The following ABCB4 variants were observed in gnomAD, a reference collection of about 807,000 sequenced individuals.
The protein encoded by ABCB4 is ATP binding cassette subfamily B member 4, also known as phosphatidylcholine translocator ABCB4.
ABCB4 carries 76 observed loss-of-function variants against 145.7 expected under a neutral mutation model. That is an observed-to-expected ratio of 0.52 (90% confidence interval 0.43 to 0.63). The LOEUF (loss-of-function observed/expected upper bound fraction) is 0.63, where lower values mean the gene tolerates loss of function less well. ABCB4 is among the 30% of genes least tolerant of loss of function. The probability of loss-of-function intolerance (pLI) is 0.00; values close to 1 mark genes in which losing one functional copy is unlikely to be tolerated. For missense variants in ABCB4, 1,234 were observed against 1,553.1 expected (o/e 0.79, Z 3.45); for synonymous variants, 517 against 566.8 (o/e 0.91, Z 1.25).
chr7:87,475,260 T>G, intron 2 of ABCB4, 126 bp downstream of exon 2: 1 of 1,154,794 alleles, frequency 8.7e-7, no homozygotes, highest in South Asian at 1.3e-5. Flanking sequence ...GCAAGACCCT[T>G]CAAAGAAGCC....
chr7:87,452,989 C>T lies in ABCB4; in HGVS notation c.491G>A (p.Trp164Ter). ...TTCAGTGGTGTCGTTGATGTCAAAC[C>T]ATCCTATTTCCTGTCGTAGAATAGC... ...FHAILRQEIG[W>*]FDINDTTELN... The change falls in exon 6 of 28, where the codon TGG becomes TAG. Residue 164 changes from tryptophan to a stop codon, truncating the protein, a stop_gained. Transcript: ENST00000649586. LOFTEE classifies it high-confidence loss of function. 6.2e-7 allele frequency: 1 copy of T among 1,614,000 alleles called. No homozygotes were observed. Among genetic ancestry groups the T allele is most frequent in the Non-Finnish European group, 8.5e-7 (1 of 1,179,988 alleles).
chr7:87,406,353 G>A lies in ABCB4; in HGVS notation c.3421C>T (p.Gln1141Ter). ...TTGGCTGCACTCACAATTTCATCCT[G>A]TGATACAACCCGGCTGTTGTCTCCA... ...AYGDNSRVVS[Q>*]DEIVSAAKAA... Residue 1141 changes from glutamine (Q) to a stop codon, truncating the protein, a stop_gained, in exon 26 of 28, where the codon CAG becomes TAG. Transcript: ENST00000649586. LOFTEE classifies it high-confidence loss of function. 6.2e-7 allele frequency: 1 copy of A among 1,614,106 alleles called. No individual in the cohort carries two copies. The highest frequency in any genetic ancestry group is 8.5e-7 in the Non-Finnish European group (1 of 1,179,996).
chr7:87,438,605 T>C (rs765685922), intron 14 of ABCB4, among the ~76,000 whole-genome samples: 4 of 151,986 alleles, frequency 2.6e-5, no homozygotes, highest in Non-Finnish European at 5.9e-5. Flanking sequence ...AAAAATTAGC[T>C]AGGTGTGGTG....
intron 16 of ABCB4, among the ~76,000 whole-genome samples, chr7:87,425,693 G>A (rs1220621205): frequency 6.6e-6 from 1 of 151,960 alleles, no homozygotes; most frequent in South Asian, 2.1e-4. Context: ...GGGCAACATG[G>A]TAAAACCTCG....
At chr7:87,403,762 C>T (rs768085436) in intron 26 of ABCB4, among the ~76,000 whole-genome samples, 28 of 152,118 alleles carry the variant, frequency 1.8e-4, no homozygotes, top group Admixed American at 1.3e-4. Flanking sequence ...CTGTGGTATA[C>T]GCAGTCTGTC....
chr7:87,475,577 C>T, intron 1 of ABCB4, 57 bp downstream of exon 1: 1 of 1,082,462 alleles, frequency 9.2e-7, no homozygotes, highest in East Asian at 2.6e-5. Context: ...CACTCCCGCC[C>T]CGCGCCCCAC....
At chr7:87,390,543 G>A in the ABCB4 span, among the ~76,000 whole-genome samples, 155 of 152,274 alleles carry the variant, frequency 1.0e-3, no homozygotes, top group African/African-American at 3.6e-3. Context: ...AACAGAAGAG[G>A]CTTGAAAACT....
the ABCB4 span, among the ~76,000 whole-genome samples, chr7:87,387,242 T>A: frequency 2.0e-5 from 3 of 152,116 alleles, no homozygotes; most frequent in African/African-American, 7.2e-5. Flanking sequence ...TATGGTAACA[T>A]GACTCCTCTC....
chr7:87,467,368 T>C lies in ABCB4; in HGVS notation c.136-4460A>G, dbSNP rs536701449. On this transcript the variant is annotated intron_variant, in intron 3 of 27. Coordinates refer to ENST00000649586, the MANE Select transcript of ABCB4 (RefSeq NM_000443.4). ...GAACTAACTATCCTAAATATATATA[T>C]TCACCCAATACAGGAGCACCAAGAT... 4.6e-5 allele frequency among the ~76,000 whole-genome samples: 7 copies of C among 152,270 alleles called. No homozygotes were observed. In the East Asian group the frequency reaches 1.2e-3, roughly 25 times the overall value.
At chr7:87,475,206 C>A (rs1278090005) in intron 2 of ABCB4, among the ~76,000 whole-genome samples, 180 bp downstream of exon 2, 1 of 152,230 alleles carries the variant, frequency 6.6e-6, no homozygotes, top group African/African-American at 2.4e-5. Flanking sequence ...CAGTGACATT[C>A]TTTGAGGCCA....
intron 15 of ABCB4, 107 bp from the exon 16 acceptor site, chr7:87,427,027 G>A: frequency 2.0e-6 from 2 of 1,002,584 alleles, no homozygotes; most frequent in Non-Finnish European, 3.0e-6. Flanking sequence ...AAGCAATTTG[G>A]AATATTACAT....
chr7:87,440,778 G>A (rs1584742727), intron 12 of ABCB4, among the ~76,000 whole-genome samples: 1 of 151,916 alleles, frequency 6.6e-6, no homozygotes, highest in East Asian at 1.9e-4. Flanking sequence ...GTCTCGCTCT[G>A]TCGCCCAGGC....
At chr7:87,382,437 T>C in the ABCB4 span, 1 of 1,613,836 alleles carries the variant, frequency 6.2e-7, no homozygotes, top group Non-Finnish European at 8.5e-7. Flanking sequence ...GATTGCGGCT[T>C]ATGCCTTTAC....
At chr7:87,467,487 C>T (rs1359641857) in intron 3 of ABCB4, among the ~76,000 whole-genome samples, 10 of 149,792 alleles carry the variant, frequency 6.7e-5, no homozygotes, top group African/African-American at 2.2e-4. Flanking sequence ...GACAGATCAA[C>T]GAGACAGAAG....
intron 6 of ABCB4, 22 bp downstream of exon 6, chr7:87,452,921 TG>T: frequency 3.7e-6 from 6 of 1,608,128 alleles, no homozygotes; most frequent in Non-Finnish European, 4.3e-6. Flanking sequence ...TATATGAAAG[TG>T]TGACATTAAC....
Position 87,440,607 on chromosome 7 carries a change from G to A in ABCB4, c.1357-205C>T, listed in dbSNP as rs372998981. 2.1e-3 allele frequency among the ~76,000 whole-genome samples: 313 copies of A among 152,112 alleles called. 12 individuals are homozygous for A. The South Asian group carries it at 0.061, about 30-fold the overall frequency. On this transcript the variant is annotated intron_variant, in intron 12 of 27. Transcript: ENST00000649586. ...TTATTTTCATATATACAGTTTTTTCGTGGAAGGATTATTTGCCATAAACAA... is the reference window on the plus strand; with the variant it reads ...TTATTTTCATATATACAGTTTTTTCATGGAAGGATTATTTGCCATAAACAA...
At chr7:87,425,139 C>A (rs140266531) in intron 16 of ABCB4, among the ~76,000 whole-genome samples, 697 of 151,994 alleles carry the variant, frequency 4.6e-3, no homozygotes, top group African/African-American at 0.016. Flanking sequence ...AGCACACAAA[C>A]AGGTCCCTCT....
chr7:87,409,173 T>C, intron 24 of ABCB4, 63 bp downstream of exon 24: 1 of 1,582,484 alleles, frequency 6.3e-7, no homozygotes, highest in Non-Finnish European at 8.7e-7. Context: ...GTAGCTATAA[T>C]CTAGCAGACA....
Position 87,443,660 on chromosome 7 carries a change from T to G in ABCB4, c.1230+3A>C. The G allele has an allele frequency of 6.2e-7, 1 of 1,608,632 alleles. No individual in the cohort carries two copies. Among genetic ancestry groups the G allele is most frequent in the Non-Finnish European group, 8.5e-7 (1 of 1,175,074 alleles). On this transcript the variant is annotated splice_donor_region_variant and intron_variant, in intron 11 of 27. Coordinates refer to ENST00000649586, the MANE Select transcript of ABCB4 (RefSeq NM_000443.4). ...GAATTCCTATAAATATTACTTACAG[T>G]ACCTTGACGTTAGCTCGAGAAGGGT... is the stretch of plus-strand genomic sequence containing the variant.
Sources: gnomAD v4.1 joint callset for allele counts (sites outside exome capture counted in the v4.1 genomes callset) on GRCh38, gnomAD v4.1.1 for gene constraint, MANE v1.5 for transcripts, NCBI Gene and HGNC (gene_info 2026-07-23, HGNC 2026-07-21) for gene names.